HERC1: variants seen among roughly 807,000 people sequenced by gnomAD.
HERC1 encodes probable E3 ubiquitin-protein ligase HERC1.
In HERC1, 160 loss-of-function variants were observed where a neutral mutation model predicts 554.3. The observed-to-expected ratio is 0.29, with a 90% CI of 0.25 to 0.33. The LOEUF (loss-of-function observed/expected upper bound fraction) is 0.33. Ranked by LOEUF, HERC1 falls within the 10% of genes least tolerant of loss-of-function variation. The pLI is 1.00. For missense variants in HERC1, 4,919 were observed against 5,918.5 expected (o/e 0.83, Z 5.54); for synonymous variants, 2,175 against 2,131.7 (o/e 1.02, Z -0.56).
Position 63,694,612 on chromosome 15 carries a change from A to G in HERC1, c.5243-63T>C, listed in dbSNP as rs927008296. ...GTAAACAAAGCATTTATTAAAATGA[A>G]TAATTTTCTAAAATATTAATAACAT... On this transcript the variant is annotated intron_variant, in intron 28 of 77. Coordinates refer to ENST00000443617, the MANE Select transcript of HERC1 (RefSeq NM_003922.4). The surrounding 1 kb of genome is among the most constrained non-coding windows in gnomAD (Gnocchi z 4.3). 6 of 1,465,436 alleles carry G rather than the reference A, an allele frequency of 4.1e-6. No homozygotes were observed. Among genetic ancestry groups the G allele is most frequent in the East Asian group, 4.8e-5 (2 of 41,308 alleles). The allele number at this position is 1,465,436 out of a possible 1,614,324, so 90.8% of individuals were successfully genotyped here. A position where few individuals can be genotyped will look rare whatever the true frequency, so the allele number is the denominator to read the frequency against.
Position 63,723,184 on chromosome 15 carries a change from T to C in HERC1, c.3740A>G (p.Lys1247Arg). The change falls in exon 19 of 78, where the codon AAA becomes AGA. Residue 1247 changes from lysine to arginine, a missense_variant and splice_region_variant. By Grantham distance (26) the Lys-to-Arg change is conservative. This residue lies in a region of HERC1 where 1,121 missense variants were observed against 1,244.0 expected (regional missense o/e 0.90). Coordinates refer to ENST00000443617, the MANE Select transcript of HERC1 (RefSeq NM_003922.4). ...WISMQDYAVS[K>R]DWDSATLSNE... ...TCCCTTTATCTTCTTTATCTTACCTTTACTAACAGCATAGTCCTGCATGCT... is the reference window on the plus strand; with the variant it reads ...TCCCTTTATCTTCTTTATCTTACCTCTACTAACAGCATAGTCCTGCATGCT... The C allele has an allele frequency of 2.2e-5, 32 of 1,461,024 alleles. No individual in the cohort carries two copies. Among genetic ancestry groups the C allele is most frequent in the Non-Finnish European group, 2.9e-5 (32 of 1,097,934 alleles). The allele number at this position is 1,461,024 out of a possible 1,614,324, so 90.5% of individuals were successfully genotyped here. A position where few individuals can be genotyped will look rare whatever the true frequency, so the allele number is the denominator to read the frequency against.
intron 1 of HERC1, among the ~76,000 whole-genome samples, chr15:63,822,724 A>T (rs1032084420): frequency 2.6e-5 from 4 of 152,240 alleles, no homozygotes; most frequent in African/African-American, 9.6e-5. Flanking sequence ...TGAGAAAACA[A>T]GGAAACCAGA....
chr15:63,733,388 G>A (rs1004040472), intron 13 of HERC1, among the ~76,000 whole-genome samples: 1 of 152,004 alleles, frequency 6.6e-6, no homozygotes, highest in Non-Finnish European at 1.5e-5. Context: ...AAGCTAACAT[G>A]GCATACTATG....
In HERC1 at chr15:63,712,692, A is replaced by G; in HGVS notation, c.4584+83T>C. On this transcript the variant is annotated intron_variant, in intron 24 of 77. Transcript: ENST00000443617. ...AAATTTTTATATGTCTAAAACAAAC[A>G]TATTACTTACTCTAACCAAAGCCTT... 2.3e-6 allele frequency: 3 copies of G among 1,278,584 alleles called. No homozygotes were observed. In the South Asian group the frequency reaches 4.5e-5, roughly 19 times the overall value. 79.2% of individuals were successfully genotyped at this position (1,278,584 alleles called of 1,614,324 possible). A position where few individuals can be genotyped will look rare whatever the true frequency, so the allele number is the denominator to read the frequency against.
intron 74 of HERC1, among the ~76,000 whole-genome samples, chr15:63,620,760 G>A (rs1489696896): frequency 6.6e-6 from 1 of 152,042 alleles, no homozygotes; most frequent in Non-Finnish European, 1.5e-5. Context: ...GGCCTTCTTT[G>A]TCTCTTTTGA....
chr15:63,733,275 T>C, intron 13 of HERC1, 130 bp from the exon 14 acceptor site: 2 of 629,084 alleles, frequency 3.2e-6, no homozygotes, highest in Admixed American at 2.8e-5. Flanking sequence ...AGGAAGTACA[T>C]AATTATAAAA....
At chr15:63,709,338 T>G (rs1406900116) in intron 24 of HERC1, among the ~76,000 whole-genome samples, 1 of 152,094 alleles carries the variant, frequency 6.6e-6, no homozygotes, top group South Asian at 2.1e-4. Flanking sequence ...GGTTTTTTTT[T>G]AGTCTTTTTA....
At position 63,766,882 on chromosome 15, in the gene HERC1, G is replaced by T. The variant is rs148404160; in HGVS notation, c.931-2691C>A. ...AGCAGAGAAGAGGTTTCTCCATGTT[G>T]GTTCAGGCTGGTCTGAAACTCCCAA... On this transcript the variant is annotated intron_variant, in intron 2 of 77. Coordinates refer to ENST00000443617, the MANE Select transcript of HERC1 (RefSeq NM_003922.4). Among the ~76,000 whole-genome samples the T allele has an allele frequency of 2.1e-3, 320 of 151,688 alleles. 1 individual carries two copies. Among genetic ancestry groups the T allele is most frequent in the African/African-American group, 7.4e-3 (308 of 41,354 alleles).
chr15:63,714,457 G>A (rs1431143678), intron 22 of HERC1, among the ~76,000 whole-genome samples: 1 of 151,652 alleles, frequency 6.6e-6, no homozygotes, highest in Non-Finnish European at 1.5e-5. Flanking sequence ...ACAAGGTTCT[G>A]ATGCAGTGGT....
intron 58 of HERC1, 58 bp downstream of exon 58, chr15:63,643,346 T>C: frequency 7.0e-7 from 1 of 1,429,730 alleles, no homozygotes; most frequent in Admixed American, 2.1e-5. Context: ...TTTTATCACA[T>C]GTGTTTAAGT....
Position 63,641,554 on chromosome 15 carries a change from A to G in HERC1, c.11523T>C (p.Val3841=), listed in dbSNP as rs759083301. The change falls in exon 60 of 78, where the codon GTT becomes GTC. Residue 3841 remains valine (V), a synonymous_variant. Coordinates refer to ENST00000443617, the MANE Select transcript of HERC1 (RefSeq NM_003922.4). ...TCRTALKQQG[V]LGLNMAPCMR... ...TGCAGGGAGCCATGTTCAATCCCAG[A>G]ACACCCTGCTGTTTCAATGCTGTCC... 1 of 1,611,952 alleles carries G rather than the reference A, an allele frequency of 6.2e-7. No individual in the cohort carries two copies. Among genetic ancestry groups the G allele is most frequent in the African/African-American group, 1.3e-5 (1 of 75,042 alleles).
At chr15:63,747,633 TA>T (rs2075102841) in intron 11 of HERC1, 90 bp downstream of exon 11, 2 of 695,836 alleles carry the variant, frequency 2.9e-6, no homozygotes, top group Non-Finnish European at 2.2e-6. Context: ...GAAAGAACAG[TA>T]AGTCAAAACT....
chr15:63,644,206 T>C (rs530493349), intron 57 of HERC1, among the ~76,000 whole-genome samples: 10 of 152,210 alleles, frequency 6.6e-5, no homozygotes, highest in East Asian at 1.9e-4. Context: ...CATAATACTA[T>C]ATGTATTCAC....
chr15:63,799,564 G>A (rs1444099678), intron 1 of HERC1, among the ~76,000 whole-genome samples: 1 of 151,912 alleles, frequency 6.6e-6, no homozygotes, highest in Non-Finnish European at 1.5e-5. Flanking sequence ...ATCCAAAGGA[G>A]GCAATGATCT....
At chr15:63,669,820 G>T in intron 39 of HERC1, 122 bp from the exon 40 acceptor site, 1 of 779,320 alleles carries the variant, frequency 1.3e-6, no homozygotes, top group Non-Finnish European at 2.1e-6. Flanking sequence ...TAGTTTAATG[G>T]AGGGTGGGGA....
Position 63,690,716 on chromosome 15 carries a change from A to G in HERC1, c.5831-69T>C. On this transcript the variant is annotated intron_variant, in intron 31 of 77. Coordinates refer to ENST00000443617, the MANE Select transcript of HERC1 (RefSeq NM_003922.4). The stretch of plus-strand genomic sequence containing the variant: ...TTCAAAGTTAAAATGAACTTCTGGG[A>G]AAAAAATTCCTGAGGCTGCTAAACA... 3.1e-6 allele frequency: 3 copies of G among 978,960 alleles called. No homozygotes were observed. The South Asian group carries it at 4.3e-5, about 14-fold the overall frequency. 60.6% of individuals were successfully genotyped at this position (978,960 alleles called of 1,614,324 possible). A position where few individuals can be genotyped will look rare whatever the true frequency, so the allele number is the denominator to read the frequency against.
intron 42 of HERC1, 115 bp downstream of exon 42, chr15:63,665,804 T>C (rs2070600290): frequency 1.4e-6 from 1 of 734,226 alleles, no homozygotes; most frequent in Admixed American, 2.7e-5. Flanking sequence ...TCTTTTCATA[T>C]AACTATATTT....
chr15:63,694,764 GT>G lies in HERC1; in HGVS notation c.5242+9del. The G allele has an allele frequency of 6.2e-7, 1 of 1,613,796 alleles. No individual in the cohort carries two copies. Among genetic ancestry groups the G allele is most frequent in the Non-Finnish European group, 8.5e-7 (1 of 1,179,812 alleles). ...CCTGCACTGTACATTTGCAGGAACC[GT>G]TTACTTACCAATGTGATGCTTGTTT... On this transcript the variant is annotated intron_variant, in intron 28 of 77. Coordinates refer to ENST00000443617, the MANE Select transcript of HERC1 (RefSeq NM_003922.4). This position sits in a 1 kb window ranked among gnomAD's most constrained non-coding sequence, Gnocchi z 4.3.
Position 63,680,576 on chromosome 15 carries a change from G to A in HERC1, c.6426C>T (p.Asp2142=), listed in dbSNP as rs757999962. Residue 2142 remains aspartate (D), a synonymous_variant, in exon 35 of 78, where the codon GAC becomes GAT. Transcript: ENST00000443617. The surrounding 1 kb of genome is among the most constrained non-coding windows in gnomAD (Gnocchi z 5.8). The stretch of plus-strand genomic sequence containing the variant: ...CAAAAGAAATGGTCCTGGCTTCCAT[G>A]TCTAACACACAGGTAATGAAATCTC... ...TQGDFITCVL[D]MEARTISFGK... 6.2e-7 allele frequency: 1 copy of A among 1,613,734 alleles called. No homozygotes were observed. The highest frequency in any genetic ancestry group is 8.5e-7 in the Non-Finnish European group (1 of 1,179,696).
Sources: allele counts gnomAD v4.1 joint callset (sites outside exome capture counted in the v4.1 genomes callset), GRCh38; gene constraint gnomAD v4.1.1; regional missense constraint gnomAD v4.1.1; non-coding constraint Gnocchi (gnomAD v3.1); transcripts MANE v1.5; gene names NCBI Gene and HGNC (gene_info 2026-07-23, HGNC 2026-07-21).